The following FKBP5 variants were observed in gnomAD, a reference collection of about 807,000 sequenced individuals.
The protein encoded by FKBP5 is peptidyl-prolyl cis-trans isomerase FKBP5.
A neutral mutation model predicts 50.5 loss-of-function variants in FKBP5; 23 were observed. The observed-to-expected ratio is 0.46, with a 90% confidence interval of 0.33 to 0.65. The LOEUF (loss-of-function observed/expected upper bound fraction) is 0.65. Among genes scored for constraint, FKBP5 ranks in the 30% least tolerant of loss-of-function variants. The pLI, the probability that FKBP5 is intolerant of heterozygous loss-of-function variation, is 0.02. For missense variants in FKBP5, 411 were observed against 553.1 expected, an observed-to-expected ratio of 0.74 and a Z score of 2.58; for synonymous variants, 176 against 190.6, an observed-to-expected ratio of 0.92 and a Z score of 0.63.
rs541721767 is a variant in FKBP5 at position 35,621,549 on chromosome 6, C to T, written c.251-1275G>A. ...AGGAGAATTGCTTGAACCTGGGAGG[C>T]GGAGGTTGCAGTGAGTAGAGATCAT... On this transcript the variant is annotated intron_variant, in intron 3 of 10. Transcript: ENST00000357266. 1.4e-4 allele frequency among the ~76,000 whole-genome samples: 20 copies of T among 146,666 alleles called. No homozygotes were observed. The East Asian group carries it at 3.2e-3, about 24-fold the overall frequency.
Position 35,580,138 on chromosome 6 carries a change from T to C in FKBP5, c.924A>G (p.Glu308=). ...LEMEYGLSEK[E]SKASESFLLA... is the part of the protein sequence containing the mutation. The stretch of plus-strand genomic sequence containing the variant: ...GGAGAAATGATTCAGAAGCTTTCGA[T>C]TCCTTTTCTGATAAACCATATTCCA... The change falls in exon 9 of 11, where the codon GAA becomes GAG. Residue 308 remains glutamate, a synonymous_variant. Transcript: ENST00000357266. 1 of 1,614,066 alleles carries C rather than the reference T, an allele frequency of 6.2e-7. No homozygotes were observed. Among genetic ancestry groups the C allele is most frequent in the Non-Finnish European group, 8.5e-7 (1 of 1,179,920 alleles).
chr6:35,621,707 C>T (rs1433526576), intron 3 of FKBP5, among the ~76,000 whole-genome samples: 1 of 151,822 alleles, frequency 6.6e-6, no homozygotes, highest in Non-Finnish European at 1.5e-5. Flanking sequence ...CGTTGGCTCG[C>T]GCCTGTAATC....
chr6:35,689,203 A>C (rs1765933710), upstream of FKBP5, among the ~76,000 whole-genome samples: 2 of 152,066 alleles, frequency 1.3e-5, no homozygotes, highest in Non-Finnish European at 2.9e-5. Flanking sequence ...ACACCCCCTC[A>C]CATCTCTTAC....
rs1039418293 is a variant in FKBP5, at chr6:35,707,416, G to T, written c.-20+12912C>A. On this transcript the variant is annotated intron_variant, in intron 2 of 11. Transcript: ENST00000536438. The stretch of plus-strand genomic sequence containing the variant: ...TTTTTGTATTTTTAGTAGAGACGGG[G>T]TTTCTCCATGATGGGGCTGGTCTCG... 1.1e-4 allele frequency among the ~76,000 whole-genome samples: 16 copies of T among 151,650 alleles called. No homozygotes were observed. The East Asian group carries it at 2.9e-3, about 28-fold the overall frequency.
At chr6:35,694,682 T>C (rs1766054715) in intron 2 of FKBP5, among the ~76,000 whole-genome samples, 1 of 152,194 alleles carries the variant, frequency 6.6e-6, no homozygotes, top group Admixed American at 6.5e-5. Context: ...CTACAGTCTA[T>C]GGAAGCATTT....
At chr6:35,604,594 C>T (rs542623592) in intron 5 of FKBP5, among the ~76,000 whole-genome samples, 30 of 151,498 alleles carry the variant, frequency 2.0e-4, no homozygotes, top group African/African-American at 7.2e-4. Flanking sequence ...TATGGGCAGA[C>T]GTAATCTTTC....
intron 2 of FKBP5, among the ~76,000 whole-genome samples, chr6:35,711,692 T>G (rs1465116575): frequency 6.6e-6 from 1 of 151,376 alleles, no homozygotes; most frequent in Non-Finnish European, 1.5e-5. Context: ...GCTTTTAGAG[T>G]GGAGGAATTA....
rs186967907 is a variant in FKBP5 at position 35,678,736 on chromosome 6, G to C, written c.-20+10068C>G. ...CGGGAAAAAACTCAGAAAAAAAATT[G>C]GTACACCAATACTACCACTGTTTTA... On this transcript the variant is annotated intron_variant, in intron 1 of 10. Coordinates refer to ENST00000357266, the MANE Select transcript of FKBP5 (RefSeq NM_004117.4). Among the ~76,000 whole-genome samples, 244 of 152,148 alleles carry C rather than the reference G, an allele frequency of 1.6e-3. 2 individuals are homozygous for C. Among genetic ancestry groups the C allele is most frequent in the Admixed American group, 4.8e-3 (74 of 15,270 alleles).
chr6:35,723,790 C>A (rs1040358030), intron 1 of FKBP5, among the ~76,000 whole-genome samples: 2 of 152,180 alleles, frequency 1.3e-5, no homozygotes, highest in African/African-American at 4.8e-5. Flanking sequence ...AAGGCTGGCA[C>A]GGGCAGTGTG....
At chr6:35,590,957 C>T (rs555594356) in intron 7 of FKBP5, among the ~76,000 whole-genome samples, 173 bp downstream of exon 7, 1 of 151,308 alleles carries the variant, frequency 6.6e-6, no homozygotes, top group South Asian at 2.1e-4. Context: ...TGTATATCAG[C>T]TGTGCTATGT....
chr6:35,700,140 A>G (rs1487955983), intron 2 of FKBP5, among the ~76,000 whole-genome samples: 1 of 152,078 alleles, frequency 6.6e-6, no homozygotes. Flanking sequence ...TGTGGCTGCT[A>G]TGTGCCTGCC....
intron 6 of FKBP5, among the ~76,000 whole-genome samples, chr6:35,595,057 A>G (rs2150963044): frequency 6.6e-6 from 1 of 152,310 alleles, no homozygotes; most frequent in South Asian, 2.1e-4. Flanking sequence ...GATTTTATTT[A>G]GCTCTCCATA....
chr6:35,699,735 A>G lies in FKBP5; in HGVS notation c.-20+20593T>C, dbSNP rs547505029. ...ATGGTGAGGCAGGGAAGAGAAAATT[A>G]TAATTGACACTTACTAAAAAGGAGG... On this transcript the variant is annotated intron_variant, in intron 2 of 11. Transcript: ENST00000536438. 9.2e-5 allele frequency among the ~76,000 whole-genome samples: 14 copies of G among 152,316 alleles called. No individual in the cohort carries two copies. In the South Asian group the frequency reaches 2.9e-3, roughly 32 times the overall value.
chr6:35,623,439 G>A (rs1400257885), intron 3 of FKBP5, among the ~76,000 whole-genome samples: 1 of 152,108 alleles, frequency 6.6e-6, no homozygotes, highest in Admixed American at 6.5e-5. Context: ...AATCTAATGA[G>A]ACTACTTGTC....
chr6:35,700,593 T>C (rs975933624), intron 2 of FKBP5, among the ~76,000 whole-genome samples: 5 of 152,174 alleles, frequency 3.3e-5, no homozygotes, highest in Admixed American at 2.6e-4. Context: ...CTCCTTCAGA[T>C]TGGCAAATGC....
At chr6:35,594,596 T>C (rs546402638) in intron 6 of FKBP5, among the ~76,000 whole-genome samples, 1 of 152,126 alleles carries the variant, frequency 6.6e-6, no homozygotes, top group South Asian at 2.1e-4. Flanking sequence ...ATGTAGGGGT[T>C]TTCTATACAC....
intron 5 of FKBP5, among the ~76,000 whole-genome samples, chr6:35,610,753 G>C (rs1046649600): frequency 2.0e-5 from 3 of 151,850 alleles, no homozygotes; most frequent in African/African-American, 7.3e-5. Context: ...AAAAGTCACA[G>C]TCAGACCGTA....
At chr6:35,635,556 T>C (rs1376021795) in intron 3 of FKBP5, among the ~76,000 whole-genome samples, 5 of 152,194 alleles carry the variant, frequency 3.3e-5, no homozygotes, top group African/African-American at 7.2e-5. Context: ...TCTTAAAAAT[T>C]GAGGACTCCA....
At chr6:35,582,166 AG>A in intron 8 of FKBP5, 1 of 964,892 alleles carries the variant, frequency 1.0e-6, no homozygotes, top group Middle Eastern at 5.3e-4. Context: ...CACTTAGGAG[AG>A]GGAAGACTGG....
Sources: gnomAD v4.1 joint callset for allele counts (sites outside exome capture counted in the v4.1 genomes callset) on GRCh38, gnomAD v4.1.1 for gene constraint, MANE v1.5 for transcripts, NCBI Gene and HGNC (gene_info 2026-07-23, HGNC 2026-07-21) for gene names.